ANO3: variants seen among roughly 807,000 people sequenced by gnomAD.
The protein encoded by ANO3 is anoctamin 3.
ANO3 carries 99 observed loss-of-function variants against 144.8 expected under a neutral mutation model. The ratio of observed to expected loss-of-function variants is 0.68; its 90% CI spans 0.58 to 0.81. The LOEUF (loss-of-function observed/expected upper bound fraction) is 0.81, where lower values mean the gene tolerates loss of function less well. ANO3 is among the 30% of genes least tolerant of loss of function. The probability of loss-of-function intolerance (pLI) is 0.00; values close to 1 mark genes in which losing one functional copy is unlikely to be tolerated. For synonymous variants in ANO3, 414 were observed against 392.6 expected (o/e 1.05, Z -0.64); for missense variants, 905 against 1,202.2 (o/e 0.75, Z 3.66).
intron 1 of ANO3, among the ~76,000 whole-genome samples, chr11:26,429,934 G>A (rs1201536033): frequency 6.6e-6 from 1 of 152,052 alleles, no homozygotes; most frequent in East Asian, 1.9e-4. Context: ...GACACACCAA[G>A]AGGACAAAAA....
At position 26,510,152 on chromosome 11, in the gene ANO3, AAGAGT is replaced by A. The variant is rs1403417143; in HGVS notation, c.591+1894_591+1898del. ...CATCTCAAAAAAAAAAAAAAAAAAA[AAGAGT>A]AGAAAAGAAAAACTAATCCATTTAT... On this transcript the variant is annotated intron_variant, in intron 5 of 26. Transcript: ENST00000256737. 1.8e-4 allele frequency among the ~76,000 whole-genome samples: 26 copies of A among 143,812 alleles called. 10 individuals carry two copies. The highest frequency in any genetic ancestry group is 4.9e-4 in the Admixed American group (7 of 14,288). The allele number at this position is 143,812 out of a possible 152,430, so 94.3% of individuals were successfully genotyped here. A position where few individuals can be genotyped will look rare whatever the true frequency, so the allele number is the denominator to read the frequency against.
In ANO3 at chr11:26,443,824, GA is replaced by G. The variant is rs1565028188; in HGVS notation, c.302del (p.Asp101ValfsTer6). 1 of 1,611,614 alleles carries G rather than the reference GA, an allele frequency of 6.2e-7. No individual in the cohort carries two copies. The highest frequency in any genetic ancestry group is 8.5e-7 in the Non-Finnish European group (1 of 1,178,654). ...GAGATGTTCATTTGCTGACCTCAGC[GA>G]TTTTTGTTTGGGTAAGTTGATAATC... ...VLRCSFADLS[D>X]FCLALGKDKD... On this transcript the variant is annotated frameshift_variant, in exon 3 of 27. Transcript: ENST00000256737. LOFTEE classifies it high-confidence loss of function.
intron 1 of ANO3, among the ~76,000 whole-genome samples, chr11:26,242,956 T>C (rs978929574): frequency 6.6e-6 from 1 of 152,184 alleles, no homozygotes; most frequent in Non-Finnish European, 1.5e-5. Flanking sequence ...GTGTTGATGT[T>C]TATTGTATAT....
chr11:26,332,259 G>C lies in ANO3; in HGVS notation c.-17G>C, dbSNP rs1310400281. ...CTCGGGCAGCTCCCTAAGCCGGCTGGGACGCGCAGAGTGAAAATGGTCCAC... is the reference window on the plus strand; with the variant it reads ...CTCGGGCAGCTCCCTAAGCCGGCTGCGACGCGCAGAGTGAAAATGGTCCAC... On this transcript the variant is annotated 5_prime_UTR_variant, in exon 1 of 27. Coordinates refer to ENST00000256737, the MANE Select transcript of ANO3 (RefSeq NM_031418.4). The C allele has an allele frequency of 1.2e-6, 2 of 1,613,970 alleles. No individual in the cohort carries two copies. The highest frequency in any genetic ancestry group is 2.2e-5 in the South Asian group (2 of 91,060).
chr11:26,196,793 A>T (rs1851598250), intron 1 of ANO3, among the ~76,000 whole-genome samples: 1 of 152,222 alleles, frequency 6.6e-6, no homozygotes, highest in East Asian at 1.9e-4. Context: ...CAATTTTATC[A>T]CCAAAAAAGG....
Position 26,204,676 on chromosome 11 carries a change from G to A in ANO3, c.154+15346G>A, listed in dbSNP as rs138058972. Among the ~76,000 whole-genome samples the A allele has an allele frequency of 4.6e-5, 7 of 152,154 alleles. No homozygotes were observed. In the East Asian group the frequency reaches 1.2e-3, roughly 25 times the overall value. On this transcript the variant is annotated intron_variant, in intron 1 of 27. Coordinates refer to the ANO3 transcript ENST00000672621. ...CTGCTCTTATTTGGTTTGAGATAGG[G>A]GAGTTGTACACTGAGAGAGGTGTAT...
chr11:26,658,039 T>G (rs1481963267), intron 26 of ANO3, among the ~76,000 whole-genome samples: 1 of 152,150 alleles, frequency 6.6e-6, no homozygotes, highest in Non-Finnish European at 1.5e-5. Flanking sequence ...AAAAAATCTC[T>G]GCCCAGGTCT....
At chr11:26,356,817 T>A (rs1855797225) in intron 1 of ANO3, among the ~76,000 whole-genome samples, 2 of 152,102 alleles carry the variant, frequency 1.3e-5, no homozygotes, top group South Asian at 4.1e-4. Context: ...GCTGCCTGTA[T>A]TTTTAACTTG....
intron 1 of ANO3, among the ~76,000 whole-genome samples, chr11:26,402,172 TGC>T (rs1176050515): frequency 3.9e-4 from 59 of 152,124 alleles, no homozygotes; most frequent in Non-Finnish European, 7.5e-4. Flanking sequence ...GTAATGGGAT[TGC>T]TGGGTCCAAT....
At chr11:26,237,043 A>G (rs1852547620) in intron 1 of ANO3, among the ~76,000 whole-genome samples, 1 of 152,024 alleles carries the variant, frequency 6.6e-6, no homozygotes, top group African/African-American at 2.4e-5. Flanking sequence ...CTACAATTCC[A>G]AGTAAGAGTA....
intron 1 of ANO3, among the ~76,000 whole-genome samples, chr11:26,267,437 T>C (rs1853340853): frequency 6.6e-6 from 1 of 152,216 alleles, no homozygotes; most frequent in African/African-American, 2.4e-5. Context: ...AAGAGATCAT[T>C]GTATTTTTAT....
chr11:26,270,394 A>C (rs1382827255), intron 1 of ANO3, among the ~76,000 whole-genome samples: 1 of 152,192 alleles, frequency 6.6e-6, no homozygotes, highest in Non-Finnish European at 1.5e-5. Flanking sequence ...TAGCCAGCCC[A>C]AATCTTCTAC....
intron 18 of ANO3, among the ~76,000 whole-genome samples, chr11:26,624,963 C>G (rs550514639): frequency 1.3e-5 from 2 of 151,852 alleles, no homozygotes; most frequent in South Asian, 4.2e-4. Flanking sequence ...GCTCAGTCGC[C>G]CAGAGTGGAG....
chr11:26,346,209 A>G (rs1183458537), intron 1 of ANO3, among the ~76,000 whole-genome samples: 1 of 152,228 alleles, frequency 6.6e-6, no homozygotes. Context: ...TGGACCTGCT[A>G]GTACACTGTG....
At chr11:26,502,062 C>T (rs1318725197) in intron 4 of ANO3, among the ~76,000 whole-genome samples, 2 of 152,126 alleles carry the variant, frequency 1.3e-5, no homozygotes, top group East Asian at 3.9e-4. Flanking sequence ...CTTCTACTTT[C>T]CTTTGCTATG....
chr11:26,384,125 C>T (rs1354015491), intron 1 of ANO3, among the ~76,000 whole-genome samples: 1 of 151,924 alleles, frequency 6.6e-6, no homozygotes, highest in Non-Finnish European at 1.5e-5. Flanking sequence ...TGGTCTCAAA[C>T]TCTTAAACTC....
upstream of ANO3, chr11:26,309,477 C>T (rs1180207099): frequency 6.0e-6 from 1 of 165,552 alleles, no homozygotes; most frequent in Non-Finnish European, 1.2e-5. Context: ...AAAATTGTAT[C>T]TTCCTACACA....
intron 1 of ANO3, among the ~76,000 whole-genome samples, chr11:26,378,374 A>G (rs547008927): frequency 1.4e-5 from 2 of 146,740 alleles, no homozygotes; most frequent in African/African-American, 4.9e-5. Context: ...TATATTATCT[A>G]TATATCTATA....
chr11:26,486,943 T>C (rs1428346768), intron 4 of ANO3, among the ~76,000 whole-genome samples: 1 of 152,204 alleles, frequency 6.6e-6, no homozygotes, highest in African/African-American at 2.4e-5. Flanking sequence ...TTAAGAATCA[T>C]CTCTAATGCT....
Sources: gnomAD v4.1 joint callset for allele counts (sites outside exome capture counted in the v4.1 genomes callset) on GRCh38, gnomAD v4.1.1 for gene constraint, MANE v1.5 for transcripts, NCBI Gene and HGNC (gene_info 2026-07-23, HGNC 2026-07-21) for gene names.